The following SLC13A4 variants were observed in gnomAD, a reference collection of about 807,000 sequenced individuals.
SLC13A4 encodes the protein Na(+)/sulfate cotransporter SUT-1.
In SLC13A4, 28 loss-of-function variants were observed where a neutral mutation model predicts 72.7. The observed-to-expected ratio is 0.39, with a 90% CI of 0.29 to 0.53. The LOEUF (loss-of-function observed/expected upper bound fraction) is 0.53. SLC13A4 is among the 20% of genes least tolerant of loss of function. The probability of loss-of-function intolerance (pLI) is 0.78; values close to 1 mark genes in which losing one functional copy is unlikely to be tolerated. For missense variants in SLC13A4, 653 were observed against 788.0 expected, an observed-to-expected ratio of 0.83 and a Z score of 2.05; for synonymous variants, 312 against 325.5, an observed-to-expected ratio of 0.96 and a Z score of 0.45.
In SLC13A4 at chr7:135,691,261, G is replaced by A; in HGVS notation, c.1386C>T (p.Thr462=). ...CCAGAATGACAATCTCCCAGGGCAT[G>A]GTCTTCTGGAAGTCCTTCCACGTGA... ...PIITWKDFQK[T]MPWEIVILVG... is the part of the protein sequence containing the mutation. Residue 462 remains threonine (T), a synonymous_variant, in exon 13 of 16, where the codon ACC becomes ACT. Coordinates refer to ENST00000682651, the MANE Select transcript of SLC13A4 (RefSeq NM_001318192.2). 1 of 1,613,834 alleles carries A rather than the reference G, an allele frequency of 6.2e-7. No individual in the cohort carries two copies. The highest frequency in any genetic ancestry group is 2.2e-5 in the East Asian group (1 of 44,882).
chr7:135,727,232 A>G (rs1796681307), intron 1 of SLC13A4, among the ~76,000 whole-genome samples, 166 bp downstream of exon 1: 1 of 152,214 alleles, frequency 6.6e-6, no homozygotes, highest in South Asian at 2.1e-4. Context: ...GACAGCTTTT[A>G]GGAAGAAGAT....
intron 2 of SLC13A4, among the ~76,000 whole-genome samples, chr7:135,715,322 TGTGA>T (rs377648683): frequency 0.051 from 6,798 of 132,906 alleles, 462 homozygotes; most frequent in African/African-American, 0.19. Flanking sequence ...TGTGTATGTG[TGTGA>T]GTAAGTGTAT....
At chr7:135,725,604 A>T (rs73721700) in intron 1 of SLC13A4, among the ~76,000 whole-genome samples, 1 of 152,180 alleles carries the variant, frequency 6.6e-6, no homozygotes, top group Non-Finnish European at 1.5e-5. Context: ...CAGGTACTCC[A>T]TCACTGCTCT....
intron 2 of SLC13A4, 52 bp from the exon 3 acceptor site, chr7:135,708,302 C>A: frequency 6.2e-7 from 1 of 1,608,288 alleles, no homozygotes; most frequent in Non-Finnish European, 8.5e-7. Context: ...AGACCCAGGG[C>A]CCAGCACCAG....
rs539446761 is a variant in SLC13A4 at position 135,681,478 on chromosome 7, G to T, written c.*85C>A. 1,353 of 1,525,170 alleles carry T rather than the reference G, an allele frequency of 8.9e-4. 2 individuals carry two copies. Among genetic ancestry groups the T allele is most frequent in the Non-Finnish European group, 1.1e-3 (1,253 of 1,124,914 alleles). The allele number at this position is 1,525,170 out of a possible 1,614,324, so 94.5% of individuals were successfully genotyped here. A position where few individuals can be genotyped will look rare whatever the true frequency, so the allele number is the denominator to read the frequency against. On this transcript the variant is annotated 3_prime_UTR_variant, in exon 16 of 16. Coordinates refer to ENST00000682651, the MANE Select transcript of SLC13A4 (RefSeq NM_001318192.2). ...GGGTCTGGGGTTGTGTGCTCCTGGT[G>T]GTCCTAGTGGTTTTCTTTGCCTGTG...
Position 135,699,487 on chromosome 7 carries a change from G to T in SLC13A4, c.776C>A (p.Ser259Tyr). 1.2e-6 allele frequency: 2 copies of T among 1,612,576 alleles called. No homozygotes were observed. Among genetic ancestry groups the T allele is most frequent in the Admixed American group, 3.3e-5 (2 of 59,810 alleles). Residue 259 changes from serine to tyrosine, a missense_variant, in exon 8 of 16, where the codon TCC becomes TAC. Coordinates refer to ENST00000682651, the MANE Select transcript of SLC13A4 (RefSeq NM_001318192.2). Reference protein sequence around the residue: ...RKQKLNRKYRSHHDQMICKCL... With the variant: ...RKQKLNRKYRYHHDQMICKCL... ...CTTGCAGATCATCTGGTCATGGTGG[G>T]ACCTGTACTTTCTGTTCAGCTTCTG...
rs1307468930 is a variant in SLC13A4, at chr7:135,701,743, G to T, written c.651C>A (p.Pro217=). ...CAGTTTTGATGGGGTTGGTGATCGA[G>T]GGCACACCATTCAGGTTCTGTTGGG... ...LMHNENLNGV[P]SITNPIKTAN... is the part of the protein sequence containing the mutation. The change falls in exon 7 of 16, where the codon CCC becomes CCA. Residue 217 remains proline, a synonymous_variant. Transcript: ENST00000682651. 6.2e-7 allele frequency: 1 copy of T among 1,613,778 alleles called. No individual in the cohort carries two copies. Among genetic ancestry groups the T allele is most frequent in the Admixed American group, 1.7e-5 (1 of 59,980 alleles).
chr7:135,709,415 CTTTT>C (rs367573939), intron 2 of SLC13A4, among the ~76,000 whole-genome samples: 1 of 54,652 alleles, frequency 1.8e-5, no homozygotes, highest in Non-Finnish European at 4.2e-5. Context: ...TCCTTTCTTT[CTTTT>C]TTTTTTAAAA....
chr7:135,715,077 AT>A (rs1563168688), intron 2 of SLC13A4, among the ~76,000 whole-genome samples: 6 of 74,648 alleles, frequency 8.0e-5, no homozygotes, highest in Admixed American at 4.9e-4. Flanking sequence ...TGTGTGTATG[AT>A]GTGTGTGTAT....
chr7:135,692,072 A>G (rs1328503853), intron 11 of SLC13A4: 10 of 504,846 alleles, frequency 2.0e-5, no homozygotes, highest in Non-Finnish European at 1.0e-5. Context: ...TTTCATAACC[A>G]CCTATGAGGT....
In SLC13A4 at chr7:135,727,541, G is replaced by A. The variant is rs1456611175; in HGVS notation, c.-45C>T. ...GCTCGTCCTTGGACCCCGCTCTGCC[G>A]GCGAAAGGCTTCCTGCCTGGGCACT... On this transcript the variant is annotated 5_prime_UTR_variant, in exon 1 of 16. Transcript: ENST00000682651. 1.3e-5 allele frequency: 20 copies of A among 1,523,714 alleles called. No individual in the cohort carries two copies. Among genetic ancestry groups the A allele is most frequent in the Non-Finnish European group, 1.6e-5 (18 of 1,129,448 alleles). The allele number at this position is 1,523,714 out of a possible 1,614,324, so 94.4% of individuals were successfully genotyped here.
chr7:135,721,258 T>A (rs1796540931), intron 2 of SLC13A4, 137 bp downstream of exon 2: 1 of 961,768 alleles, frequency 1.0e-6, no homozygotes, highest in African/African-American at 1.6e-5. Context: ...TGCCAAAGCT[T>A]AGTGTTAAGG....
chr7:135,708,026 A>C lies in SLC13A4; in HGVS notation c.365+88T>G, dbSNP rs541519295. 14 of 1,513,414 alleles carry C rather than the reference A, an allele frequency of 9.3e-6. No individual in the cohort carries two copies. The South Asian group carries it at 1.5e-4, about 16-fold the overall frequency. 93.7% of individuals were successfully genotyped at this position (1,513,414 alleles called of 1,614,324 possible). A position where few individuals can be genotyped will look rare whatever the true frequency, so the allele number is the denominator to read the frequency against. On this transcript the variant is annotated intron_variant, in intron 3 of 15. Coordinates refer to ENST00000682651, the MANE Select transcript of SLC13A4 (RefSeq NM_001318192.2). ...TGGTAAAAAAACAGCTGAAGTGGAC[A>C]TCCCGCAGTGACCTGAGACCACTGT... is the stretch of plus-strand genomic sequence containing the variant.
At chr7:135,725,078 A>G (rs935092146) in intron 1 of SLC13A4, among the ~76,000 whole-genome samples, 3 of 152,178 alleles carry the variant, frequency 2.0e-5, no homozygotes, top group Non-Finnish European at 2.9e-5. Flanking sequence ...TCCTTATAAT[A>G]GCAGGTATGT....
Position 135,727,544 on chromosome 7 carries a change from G to T in SLC13A4, c.-48C>A, listed in dbSNP as rs1250526716. On this transcript the variant is annotated 5_prime_UTR_variant, in exon 1 of 16. Coordinates refer to ENST00000682651, the MANE Select transcript of SLC13A4 (RefSeq NM_001318192.2). The stretch of plus-strand genomic sequence containing the variant: ...CGTCCTTGGACCCCGCTCTGCCGGC[G>T]AAAGGCTTCCTGCCTGGGCACTGCT... 5 of 1,522,828 alleles carry T rather than the reference G, an allele frequency of 3.3e-6. No individual in the cohort carries two copies. Among genetic ancestry groups the T allele is most frequent in the Non-Finnish European group, 4.4e-6 (5 of 1,129,074 alleles). 94.3% of individuals were successfully genotyped at this position (1,522,828 alleles called of 1,614,324 possible). A position where few individuals can be genotyped will look rare whatever the true frequency, so the allele number is the denominator to read the frequency against.
At chr7:135,694,608 T>A (rs1213898352) in intron 9 of SLC13A4, among the ~76,000 whole-genome samples, 1 of 152,250 alleles carries the variant, frequency 6.6e-6, no homozygotes, top group East Asian at 1.9e-4. Flanking sequence ...AACTAAAACT[T>A]TTATTCCACT....
intron 10 of SLC13A4, among the ~76,000 whole-genome samples, chr7:135,693,701 C>T (rs977311430): frequency 1.3e-5 from 2 of 152,152 alleles, no homozygotes; most frequent in African/African-American, 4.8e-5. Context: ...GCTCTCTCTC[C>T]AAGTCTGTCT....
chr7:135,693,246 ACT>A (rs2129494122), intron 10 of SLC13A4: 1 of 152,242 alleles, frequency 6.6e-6, no homozygotes, highest in South Asian at 2.1e-4. Flanking sequence ...TTTTGATACA[ACT>A]CTGTGTTAAA....
chr7:135,696,541 C>T (rs767023752), intron 8 of SLC13A4, among the ~76,000 whole-genome samples: 23 of 152,010 alleles, frequency 1.5e-4, no homozygotes, highest in Non-Finnish European at 2.8e-4. Context: ...TTAGTAGAGA[C>T]GGGGTTTCGC....
Sources: gnomAD v4.1 joint callset for allele counts (sites outside exome capture counted in the v4.1 genomes callset) on GRCh38, gnomAD v4.1.1 for gene constraint, MANE v1.5 for transcripts, NCBI Gene and HGNC (gene_info 2026-07-23, HGNC 2026-07-21) for gene names.